CNBD1: variants seen among roughly 807,000 people sequenced by gnomAD.
The protein encoded by CNBD1 is cyclic nucleotide binding domain containing 1.
CNBD1 carries 71 observed loss-of-function variants against 54.4 expected under a neutral mutation model. That is an observed-to-expected ratio of 1.30 (90% CI 1.08 to 1.59). The LOEUF (loss-of-function observed/expected upper bound fraction) is 1.59. Ranked by LOEUF, CNBD1 falls within the 40% of genes most tolerant of loss-of-function variation. CNBD1 has a pLI of 0.00. For synonymous variants in CNBD1, 182 were observed against 170.7 expected, an observed-to-expected ratio of 1.07 and a Z score of -0.51; for missense variants, 659 against 518.0, an observed-to-expected ratio of 1.27 and a Z score of -2.64.
intron 4 of CNBD1, among the ~76,000 whole-genome samples, chr8:87,073,541 C>T (rs1199038762): frequency 6.6e-6 from 1 of 152,122 alleles, no homozygotes; most frequent in African/African-American, 2.4e-5. Flanking sequence ...TTTCTTTTAA[C>T]AGTCAGGCCA....
intron 4 of CNBD1, among the ~76,000 whole-genome samples, chr8:87,195,596 C>T (rs1251778565): frequency 2.7e-5 from 4 of 148,474 alleles, no homozygotes; most frequent in African/African-American, 1.0e-4. Flanking sequence ...ATTTTTGAGA[C>T]AGAGTCTTGC....
chr8:87,188,121 A>G (rs1274203952), intron 4 of CNBD1, among the ~76,000 whole-genome samples: 1 of 152,156 alleles, frequency 6.6e-6, no homozygotes, highest in Non-Finnish European at 1.5e-5. Flanking sequence ...TTCCTGAAAC[A>G]CTGATATATC....
intron 10 of CNBD1, among the ~76,000 whole-genome samples, chr8:87,354,804 C>T (rs968025950): frequency 1.3e-5 from 2 of 152,158 alleles, no homozygotes; most frequent in Non-Finnish European, 2.9e-5. Context: ...CCCAGTCTAT[C>T]ACTGTTGGAC....
intron 4 of CNBD1, among the ~76,000 whole-genome samples, chr8:87,014,392 G>A (rs939662943): frequency 7.9e-5 from 12 of 151,700 alleles, no homozygotes; most frequent in Non-Finnish European, 1.6e-4. Flanking sequence ...AATGATCTTT[G>A]CTTGTATATG....
intron 4 of CNBD1, among the ~76,000 whole-genome samples, chr8:87,044,085 T>C (rs1158330241): frequency 6.6e-6 from 1 of 152,222 alleles, no homozygotes; most frequent in Non-Finnish European, 1.5e-5. Context: ...GAAAGGACTT[T>C]AGTTTTATTT....
At chr8:87,428,302 A>T (rs528115903) in intron 2 of CNBD1, among the ~76,000 whole-genome samples, 2 of 152,304 alleles carry the variant, frequency 1.3e-5, no homozygotes, top group African/African-American at 4.8e-5. Flanking sequence ...GTACTAAACA[A>T]TTTCCAAATT....
At chr8:87,373,161 T>C (rs1225715796) in intron 10 of CNBD1, among the ~76,000 whole-genome samples, 2 of 151,812 alleles carry the variant, frequency 1.3e-5, no homozygotes, top group Non-Finnish European at 2.9e-5. Context: ...TTATTGGCTC[T>C]TATTTTTCTC....
intron 4 of CNBD1, among the ~76,000 whole-genome samples, chr8:87,121,581 T>C (rs1287967233): frequency 6.6e-6 from 1 of 151,710 alleles, no homozygotes; most frequent in East Asian, 1.9e-4. Flanking sequence ...TTATTGACTA[T>C]TGTCACCCTG....
chr8:86,940,255 C>T (rs112044695), intron 4 of CNBD1, among the ~76,000 whole-genome samples: 1,954 of 148,378 alleles, frequency 0.013, 22 homozygotes, highest in South Asian at 0.033. Flanking sequence ...CAACCTCCGC[C>T]TCCTGGGTTC....
intron 4 of CNBD1, among the ~76,000 whole-genome samples, chr8:87,087,260 T>TAC (rs1035576953): frequency 3.5e-5 from 5 of 140,876 alleles, no homozygotes; most frequent in African/African-American, 1.4e-4. Flanking sequence ...TATATATATA[T>TAC]ACATATATAT....
At chr8:87,328,305 G>A (rs1482481629) in intron 8 of CNBD1, among the ~76,000 whole-genome samples, 3 of 151,226 alleles carry the variant, frequency 2.0e-5, no homozygotes, top group Admixed American at 1.3e-4. Flanking sequence ...ATTTTTCTGG[G>A]CTTTTTATTA....
At chr8:87,263,403 C>G (rs1017956636) in intron 6 of CNBD1, among the ~76,000 whole-genome samples, 57 of 151,966 alleles carry the variant, frequency 3.8e-4, no homozygotes, top group African/African-American at 1.4e-3. Flanking sequence ...ACATGTATAG[C>G]TAGTTGAATA....
intron 4 of CNBD1, among the ~76,000 whole-genome samples, chr8:87,040,008 G>A (rs1810030238): frequency 1.3e-5 from 2 of 152,194 alleles, no homozygotes; most frequent in Admixed American, 1.3e-4. Flanking sequence ...TACAGGGTCT[G>A]CAAAATATCT....
chr8:87,356,381 C>T (rs575139848), intron 10 of CNBD1, among the ~76,000 whole-genome samples: 53 of 152,210 alleles, frequency 3.5e-4, no homozygotes, highest in Middle Eastern at 3.4e-3. Flanking sequence ...TAGTGAAGGC[C>T]AGGCTTATGA....
intron 2 of CNBD1, among the ~76,000 whole-genome samples, chr8:87,428,262 A>G (rs955067207): frequency 1.3e-5 from 2 of 152,138 alleles, no homozygotes; most frequent in Admixed American, 1.3e-4. Context: ...GCTTTGAGGT[A>G]GAAAACCACT....
At chr8:87,407,949 A>G (rs1274794791) in intron 2 of CNBD1, among the ~76,000 whole-genome samples, 4 of 151,944 alleles carry the variant, frequency 2.6e-5, no homozygotes, top group Admixed American at 1.3e-4. Context: ...TCATGTTTTC[A>G]TTAGATGAGA....
At chr8:86,976,476 T>G (rs1177197192) in intron 4 of CNBD1, among the ~76,000 whole-genome samples, 45 of 151,984 alleles carry the variant, frequency 3.0e-4, no homozygotes, top group Admixed American at 3.0e-3. Context: ...CACCATTTAT[T>G]AAAGAGACCT....
chr8:86,952,655 T>C (rs530553872), intron 4 of CNBD1, among the ~76,000 whole-genome samples: 49 of 152,040 alleles, frequency 3.2e-4, no homozygotes, highest in African/African-American at 1.0e-3. Context: ...AATTTATATA[T>C]AATAAAAATG....
intron 4 of CNBD1, among the ~76,000 whole-genome samples, chr8:87,195,292 A>C (rs1315077228): frequency 1.3e-5 from 2 of 148,988 alleles, no homozygotes; most frequent in African/African-American, 5.0e-5. Context: ...GCAGTGGCAC[A>C]ATCTTGGCTG....
Sources: gnomAD v4.1 joint callset for allele counts (sites outside exome capture counted in the v4.1 genomes callset) on GRCh38, gnomAD v4.1.1 for gene constraint, MANE v1.5 for transcripts, NCBI Gene and HGNC (gene_info 2026-07-23, HGNC 2026-07-21) for gene names.